The following ELP4 variants were observed in gnomAD, a reference collection of about 807,000 sequenced individuals.
ELP4 encodes the protein elongator acetyltransferase complex subunit 4.
Under a neutral mutation model 48.9 loss-of-function variants are expected in ELP4, and 51 were observed. The observed-to-expected ratio is 1.04, with a 90% confidence interval of 0.83 to 1.32. The LOEUF is 1.32. ELP4 is among the 40% of genes most tolerant of loss of function. The pLI, the probability that ELP4 is intolerant of heterozygous loss-of-function variation, is 0.00. For missense variants in ELP4, 519 were observed against 514.6 expected (o/e 1.01, Z -0.08); for synonymous variants, 210 against 189.2 (o/e 1.11, Z -0.90).
intron 4 of ELP4, among the ~76,000 whole-genome samples, chr11:31,600,967 A>T (rs1318777029): frequency 1.3e-5 from 2 of 152,108 alleles, no homozygotes; most frequent in Non-Finnish European, 2.9e-5. Context: ...GAACCATTTC[A>T]TTTTACTCAC....
chr11:31,630,592 G>A (rs367777921), intron 6 of ELP4, among the ~76,000 whole-genome samples: 1 of 152,024 alleles, frequency 6.6e-6, no homozygotes, highest in South Asian at 2.1e-4. Context: ...GCCTCCCAGT[G>A]TGCTGGGATT....
At chr11:31,567,232 C>T (rs1307207917) in intron 3 of ELP4, among the ~76,000 whole-genome samples, 2 of 152,178 alleles carry the variant, frequency 1.3e-5, no homozygotes, top group Non-Finnish European at 2.9e-5. Flanking sequence ...CGCACCCGGC[C>T]TGTAGTACTT....
chr11:31,647,678 T>C, intron 7 of ELP4, 63 bp from the exon 8 acceptor site: 1 of 999,192 alleles, frequency 1.0e-6, no homozygotes, highest in Non-Finnish European at 1.6e-6. Flanking sequence ...ATAGGGATAT[T>C]TTATAGATAT....
intron 9 of ELP4, among the ~76,000 whole-genome samples, chr11:31,770,589 AAAAGT>A (rs911784506): frequency 2.6e-5 from 4 of 151,810 alleles, no homozygotes; most frequent in African/African-American, 9.7e-5. Context: ...AATAGAAACT[AAAAGT>A]AAAAGATACT....
At chr11:31,782,231 T>C (rs3026406) in intron 9 of ELP4, among the ~76,000 whole-genome samples, 2,994 of 152,364 alleles carry the variant, frequency 0.02, 118 homozygotes, top group African/African-American at 0.067. Context: ...AAAGCCTTTA[T>C]TCAAGAAAGA....
chr11:31,702,913 TG>T (rs1343890201), intron 9 of ELP4, among the ~76,000 whole-genome samples: 3 of 152,190 alleles, frequency 2.0e-5, no homozygotes, highest in African/African-American at 7.2e-5. Flanking sequence ...CAAATTTTAT[TG>T]GGAAAATAAA....
intron 9 of ELP4, among the ~76,000 whole-genome samples, chr11:31,720,268 A>G (rs1028779883): frequency 4.6e-5 from 7 of 152,144 alleles, no homozygotes; most frequent in Non-Finnish European, 8.8e-5. Context: ...TTGTCCTCCT[A>G]AAATCTTACA....
In ELP4 at chr11:31,603,866, T is replaced by C; in HGVS notation, c.612T>C (p.Phe204=). Residue 204 remains phenylalanine (F), a synonymous_variant, in exon 5 of 10, where the codon TTT becomes TTC. Coordinates refer to ENST00000640961, the MANE Select transcript of ELP4 (RefSeq NM_019040.5). The part of the protein sequence containing the change: ...LIEASNWHGF[F]LPEKISSTLK... ...AGGCTTCAAATTGGCATGGATTTTT[T>C]CTTCCAGAGAAAATATCTTCAACTC... 1 of 1,611,956 alleles carries C rather than the reference T, an allele frequency of 6.2e-7. No homozygotes were observed. The highest frequency in any genetic ancestry group is 8.5e-7 in the Non-Finnish European group (1 of 1,178,554).
At chr11:31,675,327 C>T (rs974736460) in intron 9 of ELP4, among the ~76,000 whole-genome samples, 13 of 151,502 alleles carry the variant, frequency 8.6e-5, no homozygotes, top group South Asian at 2.1e-4. Context: ...TGCAATGGCG[C>T]GATCTCAGCT....
At chr11:31,674,942 A>T (rs192140070) in intron 9 of ELP4, among the ~76,000 whole-genome samples, 239 of 148,608 alleles carry the variant, frequency 1.6e-3, no homozygotes, top group Non-Finnish European at 2.7e-3. Context: ...GTACCTAGTT[A>T]AAAAAAAAAG....
intron 3 of ELP4, among the ~76,000 whole-genome samples, chr11:31,553,084 T>G (rs1318115359): frequency 6.6e-6 from 1 of 152,196 alleles, no homozygotes; most frequent in African/African-American, 2.4e-5. Flanking sequence ...ATAATCCTGT[T>G]AGCTGCCTTA....
intron 9 of ELP4, among the ~76,000 whole-genome samples, chr11:31,684,018 G>A (rs1297615917): frequency 6.6e-6 from 1 of 152,040 alleles, no homozygotes; most frequent in African/African-American, 2.4e-5. Context: ...GGCATTCAAC[G>A]ATGCTCTGTG....
At chr11:31,736,674 A>G (rs2134211067) in intron 9 of ELP4, among the ~76,000 whole-genome samples, 1 of 152,370 alleles carries the variant, frequency 6.6e-6, no homozygotes, top group South Asian at 2.1e-4. Context: ...AAGGATCTGA[A>G]CAGACACTTC....
At chr11:31,564,765 A>T (rs1229362063) in intron 3 of ELP4, among the ~76,000 whole-genome samples, 1 of 152,122 alleles carries the variant, frequency 6.6e-6, no homozygotes, top group East Asian at 1.9e-4. Flanking sequence ...CATTTTCTTA[A>T]TCCAGTCTAT....
chr11:31,565,792 T>G (rs1957101185), intron 3 of ELP4, among the ~76,000 whole-genome samples: 1 of 152,154 alleles, frequency 6.6e-6, no homozygotes, highest in Non-Finnish European at 1.5e-5. Flanking sequence ...TAGTATAGTT[T>G]GAAGTCAGGT....
intron 6 of ELP4, among the ~76,000 whole-genome samples, chr11:31,629,764 ATTT>A (rs60923235): frequency 4.5e-5 from 6 of 132,958 alleles, no homozygotes; most frequent in African/African-American, 1.1e-4. Context: ...TACTATCTAG[ATTT>A]TTTTTTTTTT....
chr11:31,727,355 G>T (rs977582550), intron 9 of ELP4, among the ~76,000 whole-genome samples: 24 of 152,164 alleles, frequency 1.6e-4, no homozygotes, highest in South Asian at 8.3e-4. Context: ...GCTCAGACTA[G>T]GTAGTTTATG....
intron 2 of ELP4, among the ~76,000 whole-genome samples, chr11:31,523,430 G>A (rs746719854): frequency 6.6e-6 from 1 of 152,110 alleles, no homozygotes; most frequent in East Asian, 1.9e-4. Context: ...ATTTTCTCGT[G>A]AAATAGTTTA....
At chr11:31,656,398 G>T (rs1408377394) in intron 9 of ELP4, among the ~76,000 whole-genome samples, 1 of 151,780 alleles carries the variant, frequency 6.6e-6, no homozygotes, top group Non-Finnish European at 1.5e-5. Context: ...ATTCATATTT[G>T]GCTATTATAT....
Sources: gnomAD v4.1 joint callset for allele counts (sites outside exome capture counted in the v4.1 genomes callset) on GRCh38, gnomAD v4.1.1 for gene constraint, MANE v1.5 for transcripts, NCBI Gene and HGNC (gene_info 2026-07-23, HGNC 2026-07-21) for gene names.